The following ANKS1A variants were observed in gnomAD, a reference collection of about 807,000 sequenced individuals.
The protein encoded by ANKS1A is ankyrin repeat and SAM domain-containing protein 1A.
A neutral mutation model predicts 120.3 loss-of-function variants in ANKS1A; 55 were observed. That is an observed-to-expected ratio of 0.46 (90% CI 0.37 to 0.57). ANKS1A has a LOEUF of 0.57. Among genes scored for constraint, ANKS1A ranks in the 20% least tolerant of loss-of-function variants. ANKS1A has a pLI of 0.00. For missense variants in ANKS1A, 1,123 were observed against 1,480.3 expected (o/e 0.76, Z 3.96); for synonymous variants, 590 against 604.7 (o/e 0.98, Z 0.36).
chr6:35,075,395 A>T (rs1019638108), intron 13 of ANKS1A, among the ~76,000 whole-genome samples: 1 of 151,818 alleles, frequency 6.6e-6, no homozygotes, highest in Non-Finnish European at 1.5e-5. Context: ...AACTCATTTC[A>T]TAGATAAAAG....
chr6:34,991,735 T>C (rs796591021), intron 9 of ANKS1A, among the ~76,000 whole-genome samples: 13 of 31,440 alleles, frequency 4.1e-4, no homozygotes, highest in African/African-American at 1.2e-3. Flanking sequence ...TATATACACA[T>C]ATATATACAT....
intron 11 of ANKS1A, among the ~76,000 whole-genome samples, chr6:35,038,973 T>C (rs1775316525): frequency 6.6e-6 from 1 of 152,090 alleles, no homozygotes; most frequent in African/African-American, 2.4e-5. Flanking sequence ...CTGCCCATGG[T>C]AATATATTAT....
chr6:35,090,874 C>T lies in ANKS1A; in HGVS notation c.*2265C>T. 6 of 985,844 alleles carry T rather than the reference C, an allele frequency of 6.1e-6. No homozygotes were observed. Among genetic ancestry groups the T allele is most frequent in the Non-Finnish European group, 7.2e-6 (6 of 830,236 alleles). The allele number at this position is 985,844 out of a possible 1,614,324, so 61.1% of individuals were successfully genotyped here. ...CTTCTTGTCCACCTCTTCTCCCCTG[C>T]CCACCAGCTGCTCAGCGCATAAGAC... On this transcript the variant is annotated 3_prime_UTR_variant, in exon 24 of 24. Transcript: ENST00000360359.
At chr6:35,033,985 A>G (rs1342645640) in intron 11 of ANKS1A, among the ~76,000 whole-genome samples, 1 of 152,140 alleles carries the variant, frequency 6.6e-6, no homozygotes, top group Non-Finnish European at 1.5e-5. Context: ...ACAAAGCAAC[A>G]TTTACTCAGC....
At chr6:35,017,259 C>G (rs532766725) in intron 10 of ANKS1A, among the ~76,000 whole-genome samples, 161 of 152,300 alleles carry the variant, frequency 1.1e-3, no homozygotes, top group African/African-American at 3.5e-3. Flanking sequence ...CATAAATGCT[C>G]TGACTTTGGG....
intron 1 of ANKS1A, among the ~76,000 whole-genome samples, chr6:34,902,945 A>T (rs1767436642): frequency 6.6e-6 from 1 of 152,188 alleles, no homozygotes; most frequent in Non-Finnish European, 1.5e-5. Context: ...TACAGAGAAA[A>T]CTGATGAAAA....
At chr6:35,079,392 T>C (rs1349484045) in intron 14 of ANKS1A, 124 bp from the exon 15 acceptor site, 3 of 1,213,320 alleles carry the variant, frequency 2.5e-6, no homozygotes, top group Non-Finnish European at 2.3e-6. Context: ...TGGAAGGTGC[T>C]GAGGACCCCA....
intron 3 of ANKS1A, among the ~76,000 whole-genome samples, chr6:34,977,132 C>A (rs887642672): frequency 7.2e-5 from 11 of 152,176 alleles, no homozygotes; most frequent in Non-Finnish European, 1.3e-4. Context: ...CTTAGCCTTT[C>A]ATGACATGGA....
At chr6:34,911,262 C>T (rs536980113) in intron 1 of ANKS1A, among the ~76,000 whole-genome samples, 1 of 152,290 alleles carries the variant, frequency 6.6e-6, no homozygotes, top group African/African-American at 2.4e-5. Flanking sequence ...AAAAGACAGG[C>T]CCTTCCTACT....
At chr6:34,954,516 G>T (rs776884930) in intron 1 of ANKS1A, among the ~76,000 whole-genome samples, 1 of 152,174 alleles carries the variant, frequency 6.6e-6, no homozygotes, top group Non-Finnish European at 1.5e-5. Context: ...CTCCTTGCTG[G>T]CTTTGTGGAA....
intron 1 of ANKS1A, among the ~76,000 whole-genome samples, chr6:34,893,598 T>G (rs1766925263): frequency 6.6e-6 from 1 of 152,236 alleles, no homozygotes; most frequent in South Asian, 2.1e-4. Context: ...CTGCAAAATA[T>G]GTCTGAGACC....
intron 11 of ANKS1A, among the ~76,000 whole-genome samples, chr6:35,048,808 T>C (rs1020312463): frequency 2.0e-5 from 3 of 152,234 alleles, no homozygotes; most frequent in Non-Finnish European, 1.5e-5. Flanking sequence ...AGCAGTCGCC[T>C]GATGGGATCG....
At chr6:34,984,501 C>A (rs1028487990) in intron 7 of ANKS1A, among the ~76,000 whole-genome samples, 1 of 152,164 alleles carries the variant, frequency 6.6e-6, no homozygotes, top group African/African-American at 2.4e-5. Context: ...TAGTAGTTCA[C>A]TAACCTCTTC....
intron 10 of ANKS1A, chr6:35,009,902 TAAAAAAAAAAAAAAAAAAAA>T (rs530605297): frequency 5.1e-5 from 4 of 78,464 alleles, no homozygotes; most frequent in African/African-American, 1.0e-4. Context: ...AGACTCTGTC[TAAAAAAAAAAAAAAAAAAAA>T]AAAAAAAAAA....
chr6:34,928,057 A>G (rs990464020), intron 1 of ANKS1A, among the ~76,000 whole-genome samples: 4 of 152,154 alleles, frequency 2.6e-5, no homozygotes, highest in Non-Finnish European at 4.4e-5. Context: ...AGTGGCTACT[A>G]TTCAACCTTA....
intron 13 of ANKS1A, among the ~76,000 whole-genome samples, chr6:35,061,069 C>T (rs962530339): frequency 1.3e-5 from 2 of 152,204 alleles, no homozygotes; most frequent in Non-Finnish European, 2.9e-5. Flanking sequence ...GTGTGCTTGG[C>T]GCCGTTCTTA....
intron 3 of ANKS1A, among the ~76,000 whole-genome samples, chr6:34,977,579 C>G (rs1771668849): frequency 6.6e-6 from 1 of 152,074 alleles, no homozygotes; most frequent in African/African-American, 2.4e-5. Flanking sequence ...TACTTGGCAG[C>G]CTGTTTTTGG....
intron 1 of ANKS1A, among the ~76,000 whole-genome samples, chr6:34,890,414 G>A (rs1394754965): frequency 6.6e-6 from 1 of 152,144 alleles, no homozygotes; most frequent in East Asian, 1.9e-4. Flanking sequence ...TATTAAAATT[G>A]CCTCTGGATG....
Position 35,009,631 on chromosome 6 carries a change from G to A in ANKS1A, c.1424-7842G>A, listed in dbSNP as rs570866987. On this transcript the variant is annotated intron_variant, in intron 10 of 23. Coordinates refer to ENST00000360359, the MANE Select transcript of ANKS1A (RefSeq NM_015245.3). ...GTTAAAGAGAACCCAGGCTGGGCGC[G>A]GTGGATCTTGCCTGTAATCCCAGCA... 3.3e-5 allele frequency among the ~76,000 whole-genome samples: 5 copies of A among 151,838 alleles called. No homozygotes were observed. The South Asian group carries it at 8.3e-4, about 25-fold the overall frequency.
Sources: allele counts gnomAD v4.1 joint callset (sites outside exome capture counted in the v4.1 genomes callset), GRCh38; gene constraint gnomAD v4.1.1; transcripts MANE v1.5; gene names NCBI Gene and HGNC (gene_info 2026-07-23, HGNC 2026-07-21).